The following PKD1 variants were observed in gnomAD, a reference collection of about 807,000 sequenced individuals.
The protein encoded by PKD1 is polycystin 1, transient receptor potential channel interacting, also known as polycystin-1.
PKD1 carries 81 observed loss-of-function variants against 361.7 expected under a neutral mutation model. The observed-to-expected ratio is 0.22, with a 90% CI of 0.19 to 0.27. The LOEUF (loss-of-function observed/expected upper bound fraction) is 0.27, where lower values mean the gene tolerates loss of function less well. Ranked by LOEUF, PKD1 falls within the 10% of genes least tolerant of loss-of-function variation. PKD1 has a pLI of 1.00. For synonymous variants in PKD1, 3,615 were observed against 2,818.3 expected (o/e 1.28, Z -8.95); for missense variants, 6,399 against 6,118.3 (o/e 1.05, Z -1.53).
chr16:2,109,205 T>C lies in PKD1; in HGVS notation c.5962A>G (p.Thr1988Ala). 6.3e-7 allele frequency: 1 copy of C among 1,596,144 alleles called. No homozygotes were observed. The highest frequency in any genetic ancestry group is 8.5e-7 in the Non-Finnish European group (1 of 1,170,276). The change falls in exon 15 of 46, where the codon ACT becomes GCT. Residue 1988 changes from threonine (T) to alanine (A), a missense_variant. Coordinates refer to ENST00000262304, the MANE Select transcript of PKD1 (RefSeq NM_001009944.3). ...NCCEPGIATG[T>A]ERNFTARVQR... ...ACGCGGGCTGTGAAGTTCCTCTCAGTGCCCGTGGCGATGCCAGGCTCGCAG... is the reference window on the plus strand; with the variant it reads ...ACGCGGGCTGTGAAGTTCCTCTCAGCGCCCGTGGCGATGCCAGGCTCGCAG...
chr16:2,107,168 T>C, intron 16 of PKD1: 1 of 619,892 alleles, frequency 1.6e-6, no homozygotes, highest in Non-Finnish European at 3.0e-6. Flanking sequence ...GTGTGCGTTC[T>C]GGTGTACTGG....
At position 2,115,576 on chromosome 16, in the gene PKD1, C is replaced by T. The variant is rs775689463; in HGVS notation, c.1899G>A (p.Arg633=). 8 of 1,594,538 alleles carry T rather than the reference C, an allele frequency of 5.0e-6. No homozygotes were observed. The highest frequency in any genetic ancestry group is 6.8e-6 in the Non-Finnish European group (8 of 1,169,968). The stretch of plus-strand genomic sequence containing the variant: ...GCATGCACGCGGGGGCCAGCTGGGT[C>T]CTGTTGTCCGGGGACCTGCTCTCAG... The part of the protein sequence containing the change: ...SEPESRSPDN[R]TQLAPACMPG... Residue 633 remains arginine, a synonymous_variant, in exon 10 of 46, where the codon AGG becomes AGA. Transcript: ENST00000262304.
Position 2,111,154 on chromosome 16 carries a change from G to A in PKD1, c.4013C>T (p.Thr1338Ile), listed in dbSNP as rs2092492374. The A allele has an allele frequency of 6.2e-7, 1 of 1,611,216 alleles. No individual in the cohort carries two copies. Among genetic ancestry groups the A allele is most frequent in the Admixed American group, 1.7e-5 (1 of 60,002 alleles). The part of the protein sequence containing the change: ...WTFGDGSSNT[T>I]VRGCPTVTHN... ...TGTCACCGTCGGGCACCCCCGCACG[G>A]TCGTGTTGGAGGAGCCATCCCCGAA... The change falls in exon 15 of 46, where the codon ACC becomes ATC. Residue 1338 changes from threonine (T) to isoleucine (I), a missense_variant. Physicochemically the swap from Thr to Ile is moderately conservative, Grantham distance 89. Coordinates refer to ENST00000262304, the MANE Select transcript of PKD1 (RefSeq NM_001009944.3).
In PKD1 at chr16:2,088,717, G is replaced by A; in HGVS notation, c.*1010C>T. ...GACATAGAGGCACAGATTGCAGTCA[G>A]ACAGCTCTTTTATTGACTTTGTCTG... On this transcript the variant is annotated 3_prime_UTR_variant, in exon 46 of 46. Coordinates refer to ENST00000262304, the MANE Select transcript of PKD1 (RefSeq NM_001009944.3). 7 of 1,429,866 alleles carry A rather than the reference G, an allele frequency of 4.9e-6. No homozygotes were observed. The highest frequency in any genetic ancestry group is 3.8e-5 in the South Asian group (3 of 78,796). 88.6% of individuals were successfully genotyped at this position (1,429,866 alleles called of 1,614,324 possible).
At position 2,116,924 on chromosome 16, in the gene PKD1, G is replaced by A. The variant is rs748123570; in HGVS notation, c.1515C>T (p.Ala505=). Residue 505 remains alanine (A), a synonymous_variant, in exon 7 of 46, where the codon GCC becomes GCT. Coordinates refer to ENST00000262304, the MANE Select transcript of PKD1 (RefSeq NM_001009944.3). ...TGGGCCCGAGCCGGACGCAGTGCTCGGCTGTGGCTGGGTGTGGCTCCCCGG... is the reference window on the plus strand; with the variant it reads ...TGGGCCCGAGCCGGACGCAGTGCTCAGCTGTGGCTGGGTGTGGCTCCCCGG... ...WLPGEPHPAT[A]EHCVRLGPTG... The A allele has an allele frequency of 5.0e-5, 76 of 1,519,078 alleles. No individual in the cohort carries two copies. The highest frequency in any genetic ancestry group is 3.8e-5 in the Admixed American group (2 of 52,382). 94.1% of individuals were successfully genotyped at this position (1,519,078 alleles called of 1,614,324 possible).
In PKD1 at chr16:2,093,801, G is replaced by T; in HGVS notation, c.10821+10C>A. On this transcript the variant is annotated intron_variant, in intron 36 of 45. Coordinates refer to ENST00000262304, the MANE Select transcript of PKD1 (RefSeq NM_001009944.3). The stretch of plus-strand genomic sequence containing the variant: ...GGAGGCCTGTAGCCTACCCCTGGCA[G>T]CCCCCTCACCTTCAGTGGCTCCCAG... 2 of 1,554,178 alleles carry T rather than the reference G, an allele frequency of 1.3e-6. No individual in the cohort carries two copies. The highest frequency in any genetic ancestry group is 2.3e-5 in the South Asian group (2 of 85,578).
rs982097679 is a variant in PKD1, at chr16:2,108,721, G to A, written c.6446C>T (p.Pro2149Leu). The A allele has an allele frequency of 2.0e-5, 31 of 1,571,214 alleles. No homozygotes were observed. Among genetic ancestry groups the A allele is most frequent in the East Asian group, 4.7e-5 (2 of 42,432 alleles). The part of the protein sequence containing the change: ...VTVQVLACRE[P>L]EVDVVLPLQV... The stretch of plus-strand genomic sequence containing the variant: ...CAGGGGCAGGACCACGTCCACCTCC[G>A]GCTCCCGGCAGGCCAGCACCTGGAC... Residue 2149 changes from proline (P) to leucine (L), a missense_variant, in exon 15 of 46, where the codon CCG (proline) becomes CTG (leucine). Transcript: ENST00000262304.
At chr16:2,132,440 T>C (rs1490937495) in intron 1 of PKD1, among the ~76,000 whole-genome samples, 1 of 150,762 alleles carries the variant, frequency 6.6e-6, no homozygotes, top group Non-Finnish European at 1.5e-5. Flanking sequence ...CGGTGGTGCA[T>C]GCCTGTAAAC....
rs746136712 is a variant in PKD1 at position 2,100,580 on chromosome 16, G to A, written c.9398-14C>T. 2.5e-6 allele frequency: 4 copies of A among 1,605,894 alleles called. No homozygotes were observed. The highest frequency in any genetic ancestry group is 2.2e-5 in the South Asian group (2 of 90,920). ...GGGCCGTGGTACCTGGGAGGCAAGAGGGAGGGGTGGGAGGCTCGGTCTGCT... is the reference window on the plus strand; with the variant it reads ...GGGCCGTGGTACCTGGGAGGCAAGAAGGAGGGGTGGGAGGCTCGGTCTGCT... On this transcript the variant is annotated splice_polypyrimidine_tract_variant and intron_variant, in intron 26 of 45. Transcript: ENST00000262304. This position sits in a 1 kb window ranked among gnomAD's most constrained non-coding sequence, Gnocchi z 4.4.
rs1442974903 is a variant in PKD1 at position 2,099,763 on chromosome 16, G to A, written c.9931C>T (p.His3311Tyr). Residue 3311 changes from histidine to tyrosine, a missense_variant, in exon 30 of 46, where the codon CAT becomes TAT. Transcript: ENST00000262304. ...CTCAGCGGGCTCAGCCTGGACACAT[G>A]CCCCGTGCTGTGTGGAGGAGAGGAG... The part of the protein sequence containing the change: ...AVGDSAYSTG[H>Y]VSRLSPLSVD... 6.4e-7 allele frequency: 1 copy of A among 1,553,492 alleles called. No homozygotes were observed. Among genetic ancestry groups the A allele is most frequent in the Admixed American group, 1.9e-5 (1 of 52,172 alleles).
At chr16:2,113,314 C>T in intron 11 of PKD1, 22 bp from the exon 12 acceptor site, 1 of 1,595,460 alleles carries the variant, frequency 6.3e-7, no homozygotes, top group South Asian at 1.1e-5. Flanking sequence ...ATGGTGTCAG[C>T]CTGGGCTCTG....
chr16:2,088,966 C>T lies in PKD1; in HGVS notation c.*761G>A, dbSNP rs1312193120. 7 of 325,792 alleles carry T rather than the reference C, an allele frequency of 2.1e-5. No individual in the cohort carries two copies. The East Asian group carries it at 4.5e-4, about 21-fold the overall frequency. 20.2% of individuals were successfully genotyped at this position (325,792 alleles called of 1,614,324 possible). On this transcript the variant is annotated 3_prime_UTR_variant, in exon 46 of 46. Transcript: ENST00000262304. The stretch of plus-strand genomic sequence containing the variant: ...CTTTTCCTCTAACCACCCTGGGGTC[C>T]TCTGACATGCCTAGTCCTGCTACTT...
chr16:2,113,350 G>A (rs1408749676), intron 11 of PKD1, 58 bp from the exon 12 acceptor site: 15 of 1,576,784 alleles, frequency 9.5e-6, no homozygotes, highest in Admixed American at 1.7e-5. Context: ...TTAGCCTGTC[G>A]CCTCCTGGAC....
chr16:2,135,195 G>A (rs2092936226), intron 1 of PKD1: 1 of 979,960 alleles, frequency 1.0e-6, no homozygotes, highest in Non-Finnish European at 1.2e-6. Context: ...GCGACTGTTT[G>A]TCCTCCCAGC....
intron 8 of PKD1, 134 bp downstream of exon 8, chr16:2,116,395 T>C: frequency 1.6e-6 from 1 of 633,620 alleles, no homozygotes; most frequent in Admixed American, 2.5e-5. Flanking sequence ...CTCTGGATTT[T>C]CCCAACCATC....
At chr16:2,129,140 C>T (rs1243265430) in intron 1 of PKD1, among the ~76,000 whole-genome samples, 2 of 150,316 alleles carry the variant, frequency 1.3e-5, no homozygotes, top group Admixed American at 6.6e-5. Flanking sequence ...AGATTACAGG[C>T]GTGAACCACC....
In PKD1 at chr16:2,108,040, C is replaced by G. The variant is rs2092403747; in HGVS notation, c.6916-8G>C. On this transcript the variant is annotated splice_polypyrimidine_tract_variant and splice_region_variant and intron_variant, in intron 15 of 45. Transcript: ENST00000262304. ...ACACCCGCCAGCCTCCCTCTGCAGG[C>G]CGAGAACAAGGGGCGACGTGGCCTG... The G allele has an allele frequency of 6.4e-7, 1 of 1,561,948 alleles. No homozygotes were observed. The highest frequency in any genetic ancestry group is 8.7e-7 in the Non-Finnish European group (1 of 1,155,388).
Position 2,100,138 on chromosome 16 carries a change from G to C in PKD1, c.9712+28C>G, listed in dbSNP as rs375986432. 9.4e-6 allele frequency: 15 copies of C among 1,596,640 alleles called. No homozygotes were observed. The highest frequency in any genetic ancestry group is 1.3e-5 in the Non-Finnish European group (15 of 1,167,566). The stretch of plus-strand genomic sequence containing the variant: ...AGGACCACCCTGCCCAACCTCCCAC[G>C]GAGTGGGAACATGGAACGAGGCCTT... On this transcript the variant is annotated intron_variant, in intron 28 of 45. Coordinates refer to ENST00000262304, the MANE Select transcript of PKD1 (RefSeq NM_001009944.3). This position sits in a 1 kb window ranked among gnomAD's most constrained non-coding sequence, Gnocchi z 4.4.
chr16:2,094,155 G>A lies in PKD1; in HGVS notation c.10555C>T (p.Leu3519=). 2 of 1,601,796 alleles carry A rather than the reference G, an allele frequency of 1.2e-6. No individual in the cohort carries two copies. The highest frequency in any genetic ancestry group is 1.7e-6 in the Non-Finnish European group (2 of 1,174,400). The part of the protein sequence containing the change: ...ETLALQRLGE[L]GPPSPGLNWE... Reference sequence around the variant, plus strand: ...TTCAGGCCTGGGCTGGGTGGCCCCAGCTCCCCCAGCCTCTGCAGCGCCAGC... The same window carrying A: ...TTCAGGCCTGGGCTGGGTGGCCCCAACTCCCCCAGCCTCTGCAGCGCCAGC... The change falls in exon 35 of 46, where the codon CTG becomes TTG. Residue 3519 remains leucine (L), a synonymous_variant. Transcript: ENST00000262304.
Sources: allele counts gnomAD v4.1 joint callset (sites outside exome capture counted in the v4.1 genomes callset), GRCh38; gene constraint gnomAD v4.1.1; non-coding constraint Gnocchi (gnomAD v3.1); transcripts MANE v1.5; gene names NCBI Gene and HGNC (gene_info 2026-07-23, HGNC 2026-07-21).